The following MGMT variants were observed in gnomAD, a reference collection of about 807,000 sequenced individuals.
MGMT encodes the protein methylated-DNA--protein-cysteine methyltransferase.
A neutral mutation model predicts 15.9 loss-of-function variants in MGMT; 14 were observed. The observed-to-expected ratio is 0.88, with a 90% CI of 0.58 to 1.37. MGMT has a LOEUF of 1.37. Among genes scored for constraint, MGMT ranks in the 40% most tolerant of loss-of-function variants. MGMT has a pLI of 0.00. For synonymous variants in MGMT, 130 were observed against 118.2 expected (o/e 1.10, Z -0.65); for missense variants, 282 against 268.1 (o/e 1.05, Z -0.36).
chr10:129,555,932 T>G (rs369239457), intron 2 of MGMT, among the ~76,000 whole-genome samples: 1 of 152,154 alleles, frequency 6.6e-6, no homozygotes, highest in East Asian at 1.9e-4. Flanking sequence ...GCGGGAACCC[T>G]GCAGGCATTC....
chr10:129,743,181 A>G (rs1345026083), intron 3 of MGMT, among the ~76,000 whole-genome samples: 2 of 152,250 alleles, frequency 1.3e-5, no homozygotes, highest in Middle Eastern at 3.4e-3. Flanking sequence ...GCAAACTGCT[A>G]CCCATCCAAG....
At chr10:129,724,652 TGCA>T (rs1294899676) in intron 3 of MGMT, among the ~76,000 whole-genome samples, 1 of 109,136 alleles carries the variant, frequency 9.2e-6, no homozygotes, top group African/African-American at 3.0e-5. Flanking sequence ...TATTTTGAAA[TGCA>T]GCAAAAATAA....
intron 2 of MGMT, among the ~76,000 whole-genome samples, chr10:129,690,532 G>A (rs1239717042): frequency 1.3e-5 from 2 of 152,196 alleles, no homozygotes; most frequent in African/African-American, 2.4e-5. Context: ...CAGAGCATTT[G>A]GAGGTGCCAT....
chr10:129,653,215 G>A (rs919823153), intron 2 of MGMT, among the ~76,000 whole-genome samples: 10 of 152,190 alleles, frequency 6.6e-5, no homozygotes, highest in South Asian at 2.1e-4. Flanking sequence ...AGCAGTTCTC[G>A]TTCTGTCATC....
chr10:129,681,346 A>T (rs539829028), intron 2 of MGMT, among the ~76,000 whole-genome samples: 95 of 152,264 alleles, frequency 6.2e-4, no homozygotes, highest in African/African-American at 2.2e-3. Context: ...GCAGCACGCC[A>T]TGTTTCCGTC....
At chr10:129,574,627 G>A (rs1402406156) in intron 2 of MGMT, among the ~76,000 whole-genome samples, 1 of 152,088 alleles carries the variant, frequency 6.6e-6, no homozygotes, top group Non-Finnish European at 1.5e-5. Context: ...CACCCCTCGA[G>A]CTGTGTCACC....
chr10:129,677,284 A>G (rs1019419511), intron 2 of MGMT, among the ~76,000 whole-genome samples: 1 of 151,548 alleles, frequency 6.6e-6, no homozygotes, highest in Non-Finnish European at 1.5e-5. Context: ...AGCATTTTCT[A>G]TTATTTATAA....
rs145415811 is a variant in MGMT, at chr10:129,675,137, G to A, written c.126-32758G>A. Among the ~76,000 whole-genome samples, 226 of 152,332 alleles carry A rather than the reference G, an allele frequency of 1.5e-3. 3 individuals carry two copies. Among genetic ancestry groups the A allele is most frequent in the African/African-American group, 5.3e-3 (222 of 41,574 alleles). ...AGGACCTGTGTGCTTGCCGTGCAAAGCAGCAGGACAGAGGACCCAGCTGAG... is the reference window on the plus strand; with the variant it reads ...AGGACCTGTGTGCTTGCCGTGCAAAACAGCAGGACAGAGGACCCAGCTGAG... On this transcript the variant is annotated intron_variant, in intron 2 of 4. Transcript: ENST00000651593.
intron 3 of MGMT, among the ~76,000 whole-genome samples, chr10:129,755,858 C>G (rs191991634): frequency 1.5e-3 from 229 of 152,288 alleles, no homozygotes; most frequent in African/African-American, 5.3e-3. Context: ...TGAGTCTGAG[C>G]ACAGCGGTGG....
At chr10:129,558,362 A>C in intron 2 of MGMT, among the ~76,000 whole-genome samples, 1 of 152,160 alleles carries the variant, frequency 6.6e-6, no homozygotes, top group East Asian at 1.9e-4. Flanking sequence ...TGCAAATAGG[A>C]AGATTTGTGG....
chr10:129,512,104 GC>G (rs1015243374), intron 1 of MGMT, among the ~76,000 whole-genome samples: 3 of 152,168 alleles, frequency 2.0e-5, no homozygotes, highest in African/African-American at 7.2e-5. Context: ...GAGATGGGGG[GC>G]GCAGAAAGAA....
intron 2 of MGMT, among the ~76,000 whole-genome samples, chr10:129,678,633 T>C (rs1343415034): frequency 1.3e-5 from 2 of 152,154 alleles, no homozygotes; most frequent in African/African-American, 4.8e-5. Context: ...TCTTGAACCC[T>C]AAACTGCATG....
At chr10:129,636,288 C>A (rs1189740913) in intron 2 of MGMT, among the ~76,000 whole-genome samples, 1 of 152,214 alleles carries the variant, frequency 6.6e-6, no homozygotes, top group East Asian at 1.9e-4. Context: ...TGGGTAGACA[C>A]CCCCTCAGGA....
At chr10:129,561,015 A>C (rs1424385254) in intron 2 of MGMT, among the ~76,000 whole-genome samples, 1 of 144,324 alleles carries the variant, frequency 6.9e-6, no homozygotes, top group Non-Finnish European at 1.5e-5. Flanking sequence ...CCCAGCCAGC[A>C]GTGTTATATC....
intron 2 of MGMT, among the ~76,000 whole-genome samples, chr10:129,641,323 A>T (rs928701312): frequency 3.3e-5 from 5 of 152,236 alleles, no homozygotes; most frequent in African/African-American, 1.2e-4. Context: ...AGAAATGGAG[A>T]GATATACTGT....
chr10:129,707,913 C>G lies in MGMT; in HGVS notation c.144C>G (p.Ala48=), dbSNP rs201285731. 32 of 1,611,798 alleles carry G rather than the reference C, an allele frequency of 2.0e-5. 1 individual carries two copies. The highest frequency in any genetic ancestry group is 1.7e-6 in the Non-Finnish European group (2 of 1,179,948). ...TSAADAVEVP[A]PAAVLGGPEP... is the part of the protein sequence containing the mutation. ...TTTGCAGTGCCGTGGAGGTCCCAGCCCCCGCTGCGGTTCTCGGAGGTCCGG... is the reference window on the plus strand; with the variant it reads ...TTTGCAGTGCCGTGGAGGTCCCAGCGCCCGCTGCGGTTCTCGGAGGTCCGG... The change falls in exon 3 of 5, where the codon GCC becomes GCG. Residue 48 remains alanine (A), a synonymous_variant. Coordinates refer to ENST00000651593, the MANE Select transcript of MGMT (RefSeq NM_002412.5).
At chr10:129,538,231 C>G (rs1051371633) in intron 2 of MGMT, among the ~76,000 whole-genome samples, 1 of 152,072 alleles carries the variant, frequency 6.6e-6, no homozygotes. Flanking sequence ...GTATAACTAC[C>G]GCCGAAGATA....
intron 2 of MGMT, among the ~76,000 whole-genome samples, chr10:129,689,735 A>G (rs150059749): frequency 6.6e-6 from 1 of 152,198 alleles, no homozygotes; most frequent in Non-Finnish European, 1.5e-5. Context: ...CTCTTGATCC[A>G]ACTCTGATCA....
intron 3 of MGMT, among the ~76,000 whole-genome samples, chr10:129,732,647 A>G (rs1489514281): frequency 1.3e-5 from 2 of 149,108 alleles, no homozygotes. Context: ...ATGCTTGTGC[A>G]CTGCACCCAC....
Sources: gnomAD v4.1 joint callset for allele counts (sites outside exome capture counted in the v4.1 genomes callset) on GRCh38, gnomAD v4.1.1 for gene constraint, MANE v1.5 for transcripts, NCBI Gene and HGNC (gene_info 2026-07-23, HGNC 2026-07-21) for gene names.